Variants in MORC3 observed in about 807,000 individuals in gnomAD.
MORC3 encodes the protein MORC family CW-type zinc finger protein 3.
A neutral mutation model predicts 109.1 loss-of-function variants in MORC3; 31 were observed. That is an observed-to-expected ratio of 0.28 (90% CI 0.21 to 0.38). MORC3 has a LOEUF of 0.38. MORC3 is among the 10% of genes least tolerant of loss of function. The pLI is 1.00. For synonymous variants in MORC3, 395 were observed against 380.7 expected (o/e 1.04, Z -0.44); for missense variants, 867 against 1,135.8 (o/e 0.76, Z 3.40).
intron 8 of MORC3, among the ~76,000 whole-genome samples, chr21:36,345,805 C>T (rs1019777364): frequency 4.6e-5 from 7 of 152,058 alleles, no homozygotes; most frequent in East Asian, 1.9e-4. Context: ...GATCCACCCG[C>T]CTCGGTCTCC....
intron 8 of MORC3, among the ~76,000 whole-genome samples, chr21:36,347,022 A>C (rs1016990441): frequency 2.1e-5 from 3 of 143,444 alleles, no homozygotes; most frequent in Admixed American, 6.8e-5. Context: ...AAAAAAAAAA[A>C]AAAACAAAGA....
rs770955778 is a variant in MORC3 at position 36,356,743 on chromosome 21, CAT to C, written c.1208+22_1208+23del. On this transcript the variant is annotated intron_variant, in intron 10 of 16. Transcript: ENST00000400485. ...ATATACAGTAAGTACATTTTTAAAA[CAT>C]ATCATTTCACTTAGATATCAAGATG... The C allele has an allele frequency of 5.0e-6, 7 of 1,408,700 alleles. No individual in the cohort carries two copies. The highest frequency in any genetic ancestry group is 2.3e-5 in the East Asian group (1 of 42,666). The allele number at this position is 1,408,700 out of a possible 1,614,324, so 87.3% of individuals were successfully genotyped here.
chr21:36,344,147 TG>T (rs200459547), intron 6 of MORC3, among the ~76,000 whole-genome samples: 66 of 151,562 alleles, frequency 4.4e-4, no homozygotes, highest in African/African-American at 1.5e-3. Context: ...TTTTTTGAGG[TG>T]GGGGGGTCTC....
chr21:36,333,746 T>C (rs201071068), intron 2 of MORC3, 28 bp downstream of exon 2: 622 of 1,496,636 alleles, frequency 4.2e-4, no homozygotes, highest in Non-Finnish European at 5.1e-4. Flanking sequence ...TCATATACCA[T>C]TTGTTGCTTA....
At position 36,366,198 on chromosome 21, in the gene MORC3, A is replaced by C. The variant is rs551855998; in HGVS notation, c.1619+1939A>C. 4.0e-5 allele frequency among the ~76,000 whole-genome samples: 6 copies of C among 151,616 alleles called. No homozygotes were observed. The East Asian group carries it at 1.2e-3, about 29-fold the overall frequency. ...TGCCCACCTCCCTTCCTCTCTCCCC[A>C]CTGTAGTGGTCCCCAGTGTCTATAG... On this transcript the variant is annotated intron_variant, in intron 14 of 16. Transcript: ENST00000400485.
intron 16 of MORC3, 140 bp from the exon 17 acceptor site, chr21:36,375,003 T>C: frequency 2.5e-6 from 2 of 795,364 alleles, no homozygotes; most frequent in Non-Finnish European, 3.8e-6. Flanking sequence ...AATTGAGTTC[T>C]CTAGGGGAGG....
At position 36,375,845 on chromosome 21, in the gene MORC3, T is replaced by G. The variant is rs905533435; in HGVS notation, c.*549T>G. The G allele has an allele frequency of 1.3e-5, 2 of 152,426 alleles. No individual in the cohort carries two copies. Among genetic ancestry groups the G allele is most frequent in the Non-Finnish European group, 2.9e-5 (2 of 68,034 alleles). 9.4% of individuals were successfully genotyped at this position (152,426 alleles called of 1,614,324 possible). On this transcript the variant is annotated 3_prime_UTR_variant, in exon 17 of 17. Coordinates refer to ENST00000400485, the MANE Select transcript of MORC3 (RefSeq NM_015358.3). Reference sequence around the variant, plus strand: ...TTCCTGTCCTGAAATATTTTATTCATGAAAATAAGGTAAGCAAAAACCAAC... The same window carrying G: ...TTCCTGTCCTGAAATATTTTATTCAGGAAAATAAGGTAAGCAAAAACCAAC...
At chr21:36,345,526 A>G (rs1387616825) in intron 8 of MORC3, among the ~76,000 whole-genome samples, 1 of 151,766 alleles carries the variant, frequency 6.6e-6, no homozygotes, top group Non-Finnish European at 1.5e-5. Flanking sequence ...GGTTCAAGCA[A>G]TTCTCCTGCC....
chr21:36,373,943 A>T (rs2085900347), intron 16 of MORC3, among the ~76,000 whole-genome samples: 1 of 152,214 alleles, frequency 6.6e-6, no homozygotes, highest in Non-Finnish European at 1.5e-5. Context: ...GGCATTTTTT[A>T]AAAAGTCTAG....
At chr21:36,367,819 C>G (rs575712783) in intron 14 of MORC3, among the ~76,000 whole-genome samples, 13 of 152,126 alleles carry the variant, frequency 8.5e-5, no homozygotes, top group Non-Finnish European at 1.8e-4. Flanking sequence ...GGCAGAAACA[C>G]TTGAATGGCA....
intron 5 of MORC3, 126 bp from the exon 6 acceptor site, chr21:36,341,273 C>G (rs1458727221): frequency 1.2e-6 from 1 of 833,652 alleles, no homozygotes; most frequent in South Asian, 2.0e-5. Context: ...GCACCCCCAA[C>G]CCCCCACTGA....
intron 5 of MORC3, 63 bp from the exon 6 acceptor site, chr21:36,341,336 T>A (rs1163807072): frequency 1.4e-6 from 2 of 1,447,594 alleles, no homozygotes; most frequent in Non-Finnish European, 1.9e-6. Flanking sequence ...TGACTTACAG[T>A]GTTTGCTGGC....
chr21:36,372,852 C>T lies in MORC3; in HGVS notation c.2666+321C>T, dbSNP rs560692932. ...TATTGAAGAATAGGGGGAATTTGGC[C>T]ATGAGTAGAAGACAGGAGACTTTTA... On this transcript the variant is annotated intron_variant, in intron 16 of 16. Coordinates refer to ENST00000400485, the MANE Select transcript of MORC3 (RefSeq NM_015358.3). Among the ~76,000 whole-genome samples the T allele has an allele frequency of 2.6e-5, 4 of 152,296 alleles. No homozygotes were observed. In the East Asian group the frequency reaches 7.7e-4, roughly 29 times the overall value.
intron 9 of MORC3, among the ~76,000 whole-genome samples, chr21:36,350,753 C>T (rs2085561642): frequency 6.6e-6 from 1 of 152,050 alleles, no homozygotes; most frequent in Non-Finnish European, 1.5e-5. Context: ...TGGACACATT[C>T]CTTTGAAATT....
chr21:36,365,737 T>C (rs1461079717), intron 14 of MORC3, among the ~76,000 whole-genome samples: 1 of 152,042 alleles, frequency 6.6e-6, no homozygotes, highest in Admixed American at 6.6e-5. Flanking sequence ...CGCACCACCA[T>C]GCCTGGCTAA....
rs1393549196 is a variant in MORC3 at position 36,359,687 on chromosome 21, GGGACCACA to G, written c.1209-265_1209-258del. Among the ~76,000 whole-genome samples the G allele has an allele frequency of 2.0e-5, 3 of 150,794 alleles. No individual in the cohort carries two copies. The Admixed American group carries it at 2.0e-4, about 10-fold the overall frequency. On this transcript the variant is annotated intron_variant, in intron 10 of 16. Transcript: ENST00000400485. ...TCCCACCTCAGCCTCCCAAGTAGCA[GGGACCACA>G]GGTGTGCATTACCACTCCCAGTTAA...
chr21:36,338,913 T>C lies in MORC3; in HGVS notation c.600T>C (p.Asn200=), dbSNP rs2085404427. 1.2e-6 allele frequency: 2 copies of C among 1,613,624 alleles called. No individual in the cohort carries two copies. Among genetic ancestry groups the C allele is most frequent in the Non-Finnish European group, 1.7e-6 (2 of 1,179,768 alleles). ...GKKGTRIIIW[N]LRSYKNATEF... ...AGGGGACGAGGATCATCATTTGGAA[T>C]CTTAGAAGGTAAACGTGGACATAGA... is the stretch of plus-strand genomic sequence containing the variant. The change falls in exon 5 of 17, where the codon AAT becomes AAC. Residue 200 remains asparagine, a synonymous_variant. Coordinates refer to ENST00000400485, the MANE Select transcript of MORC3 (RefSeq NM_015358.3).
intron 1 of MORC3, among the ~76,000 whole-genome samples, chr21:36,328,413 G>A (rs1260069306): frequency 6.9e-6 from 1 of 145,128 alleles, no homozygotes; most frequent in African/African-American, 2.5e-5. Context: ...GTGCAGTGGC[G>A]CCATCGCAGT....
intron 9 of MORC3, among the ~76,000 whole-genome samples, chr21:36,353,377 A>AAAAAAAAC (rs2085598097): frequency 6.7e-6 from 1 of 149,950 alleles, no homozygotes; most frequent in Non-Finnish European, 1.5e-5. Flanking sequence ...AAAAAAAAAA[A>AAAAAAAAC]AAATCATGGC....
Sources: gnomAD v4.1 joint callset for allele counts (sites outside exome capture counted in the v4.1 genomes callset) on GRCh38, gnomAD v4.1.1 for gene constraint, MANE v1.5 for transcripts, NCBI Gene and HGNC (gene_info 2026-07-23, HGNC 2026-07-21) for gene names.